The following NPFFR2 variants were observed in gnomAD, a reference collection of about 807,000 sequenced individuals.
NPFFR2 encodes G-protein coupled receptor 74.
In NPFFR2, 15 loss-of-function variants were observed where a neutral mutation model predicts 13.1. The observed-to-expected ratio is 1.15, with a 90% confidence interval of 0.77 to 1.76. The LOEUF (loss-of-function observed/expected upper bound fraction) is 1.76. Ranked by LOEUF, NPFFR2 falls within the 40% of genes most tolerant of loss-of-function variation. NPFFR2 has a pLI of 0.00. For missense variants in NPFFR2, 572 were observed against 503.5 expected, an observed-to-expected ratio of 1.14 and a Z score of -1.30; for synonymous variants, 190 against 175.7, an observed-to-expected ratio of 1.08 and a Z score of -0.65.
chr4:72,055,058 A>G (rs1440882950), intron 1 of NPFFR2, among the ~76,000 whole-genome samples: 1 of 151,978 alleles, frequency 6.6e-6, no homozygotes, highest in Admixed American at 6.6e-5. Flanking sequence ...TAAACTACTA[A>G]TATATGCAAA....
chr4:72,068,991 T>G, intron 1 of NPFFR2: 1 of 1,415,094 alleles, frequency 7.1e-7, no homozygotes, highest in Non-Finnish European at 9.4e-7. Flanking sequence ...AATGTCTTAA[T>G]AAGAGTGAAG....
chr4:72,089,268 C>T (rs1368217983), intron 1 of NPFFR2, among the ~76,000 whole-genome samples: 3 of 151,986 alleles, frequency 2.0e-5, no homozygotes, highest in Non-Finnish European at 2.9e-5. Flanking sequence ...TTTGCAATTG[C>T]GAGTTGTACT....
In NPFFR2 at chr4:72,138,073, G is replaced by C. The variant is rs572057389; in HGVS notation, c.362G>C (p.Ser121Thr). ...WPFGNTMCKI[S>T]GLVQGISVAA... ...TTTGGAAACACGATGTGCAAGATCA[G>C]TGGATTGGTCCAGGGAATATCTGTC... Residue 121 changes from serine (S) to threonine (T), a missense_variant, in exon 3 of 4, where the codon AGT becomes ACT. Ser to Thr is a moderately conservative substitution (Grantham distance 58, BLOSUM62 1). Coordinates refer to ENST00000308744, the MANE Select transcript of NPFFR2 (RefSeq NM_004885.3). The C allele has an allele frequency of 6.2e-7, 1 of 1,613,736 alleles. No individual in the cohort carries two copies.
At chr4:72,058,354 C>T (rs1719821327) in intron 1 of NPFFR2, among the ~76,000 whole-genome samples, 1 of 151,306 alleles carries the variant, frequency 6.6e-6, no homozygotes, top group South Asian at 2.1e-4. Context: ...TGTATAACTG[C>T]TGTAACTTTT....
intron 1 of NPFFR2, among the ~76,000 whole-genome samples, chr4:72,107,545 AGGATTACT>A (rs1721450643): frequency 6.6e-6 from 1 of 151,860 alleles, no homozygotes; most frequent in African/African-American, 2.4e-5. Context: ...GCTACCTCAC[AGGATTACT>A]GGGAAAATTA....
intron 3 of NPFFR2, among the ~76,000 whole-genome samples, chr4:72,138,818 G>C (rs1003039230): frequency 6.6e-6 from 1 of 151,868 alleles, no homozygotes; most frequent in African/African-American, 2.4e-5. Flanking sequence ...CTAATTCTAG[G>C]TCCTTGAGGA....
At chr4:72,034,860 T>C (rs1437842821) in intron 1 of NPFFR2, among the ~76,000 whole-genome samples, 7 of 152,200 alleles carry the variant, frequency 4.6e-5, no homozygotes, top group Non-Finnish European at 8.8e-5. Context: ...CAATGGTCCC[T>C]ATAGCAGACA....
chr4:72,096,736 A>G (rs1169728144), intron 1 of NPFFR2, among the ~76,000 whole-genome samples: 1 of 152,122 alleles, frequency 6.6e-6, no homozygotes, highest in African/African-American at 2.4e-5. Flanking sequence ...ACTCAGTTGT[A>G]TATTCATGTA....
At chr4:72,117,384 T>C (rs2109824537) in intron 1 of NPFFR2, among the ~76,000 whole-genome samples, 1 of 152,348 alleles carries the variant, frequency 6.6e-6, no homozygotes, top group South Asian at 2.1e-4. Context: ...TGTTTAATAA[T>C]CAATTTTTAA....
chr4:72,040,695 CTGTT>C lies in NPFFR2; in HGVS notation c.-8+8499_-8+8502del, dbSNP rs1719183968. ...TTTGCAAATATTTTTACCAAACGAA[CTGTT>C]TGTCTATACATATTTTAAATGATAT... On this transcript the variant is annotated intron_variant, in intron 1 of 3. Transcript: ENST00000308744. Among the ~76,000 whole-genome samples, 3 of 151,940 alleles carry C rather than the reference CTGTT, an allele frequency of 2.0e-5. 1 individual carries two copies. Among genetic ancestry groups the C allele is most frequent in the Admixed American group, 2.0e-4 (3 of 15,250 alleles).
At chr4:72,058,451 T>C (rs4293764) in intron 1 of NPFFR2, among the ~76,000 whole-genome samples, 145,827 of 151,818 alleles carry the variant, frequency 0.96, 70,322 homozygotes, top group East Asian at 1. Flanking sequence ...GGAGTCTGGT[T>C]CCCAAAATTC....
chr4:72,034,479 CTGTCCTCATGATTCAAT>C (rs1718996103), intron 1 of NPFFR2, among the ~76,000 whole-genome samples: 2 of 152,166 alleles, frequency 1.3e-5, no homozygotes, highest in Non-Finnish European at 2.9e-5. Context: ...ATGGTGGTAG[CTGTCCTCATGATTCAAT>C]TACCTCCCAC....
At position 72,147,665 on chromosome 4, in the gene NPFFR2, C is replaced by T; in HGVS notation, c.1116C>T (p.Leu372=). 3 of 1,614,130 alleles carry T rather than the reference C, an allele frequency of 1.9e-6. No individual in the cohort carries two copies. Among genetic ancestry groups the T allele is most frequent in the Non-Finnish European group, 2.5e-6 (3 of 1,180,010 alleles). Reference sequence around the variant, plus strand: ...CCCTAAAAGCTAAAAGCCATGTGCTCATAAACACATCTAATCAGCTTGTCC... The same window carrying T: ...CCCTAAAAGCTAAAAGCCATGTGCTTATAAACACATCTAATCAGCTTGTCC... ...AYALKAKSHV[L]INTSNQLVQE... The change falls in exon 4 of 4, where the codon CTC becomes CTT. Residue 372 remains leucine (L), a synonymous_variant. Coordinates refer to ENST00000308744, the MANE Select transcript of NPFFR2 (RefSeq NM_004885.3).
chr4:72,118,787 G>A (rs1020815981), intron 1 of NPFFR2, among the ~76,000 whole-genome samples: 13 of 152,052 alleles, frequency 8.5e-5, no homozygotes, highest in Admixed American at 1.3e-4. Context: ...ACTGTGAACT[G>A]GTCTCTACTT....
intron 1 of NPFFR2, among the ~76,000 whole-genome samples, chr4:72,110,144 T>C (rs1316130568): frequency 6.6e-6 from 1 of 151,974 alleles, no homozygotes; most frequent in East Asian, 1.9e-4. Flanking sequence ...ACTTGAATCA[T>C]AGGGGTGGTT....
intron 1 of NPFFR2, among the ~76,000 whole-genome samples, chr4:72,119,343 C>A (rs377009056): frequency 6.6e-6 from 1 of 152,020 alleles, no homozygotes; most frequent in Non-Finnish European, 1.5e-5. Context: ...TACAATAATT[C>A]GGAAACTTCT....
intron 1 of NPFFR2, among the ~76,000 whole-genome samples, chr4:72,124,294 T>C: frequency 6.6e-6 from 1 of 152,060 alleles, no homozygotes; most frequent in East Asian, 1.9e-4. Context: ...ATAGGAAGAA[T>C]CAATATCATG....
intron 3 of NPFFR2, among the ~76,000 whole-genome samples, chr4:72,144,362 A>G (rs1220038182): frequency 6.6e-6 from 1 of 152,188 alleles, no homozygotes; most frequent in Non-Finnish European, 1.5e-5. Flanking sequence ...TTTTTGTTGC[A>G]TTCTATTCAT....
intron 1 of NPFFR2, among the ~76,000 whole-genome samples, chr4:72,122,704 T>G (rs946740644): frequency 7.9e-5 from 12 of 152,172 alleles, no homozygotes; most frequent in Admixed American, 7.9e-4. Context: ...TTGAAACCAA[T>G]GAGAACAAAG....
Sources: allele counts gnomAD v4.1 joint callset (sites outside exome capture counted in the v4.1 genomes callset), GRCh38; gene constraint gnomAD v4.1.1; transcripts MANE v1.5; gene names NCBI Gene and HGNC (gene_info 2026-07-23, HGNC 2026-07-21).